Variants in ATP8A1 observed in about 807,000 individuals in gnomAD.
ATP8A1 encodes the protein phospholipid-transporting ATPase IA.
ATP8A1 carries 90 observed loss-of-function variants against 177.7 expected under a neutral mutation model. That is an observed-to-expected ratio of 0.51 (90% CI 0.43 to 0.60). ATP8A1 has a LOEUF of 0.60. Ranked by LOEUF, ATP8A1 falls within the 20% of genes least tolerant of loss-of-function variation. ATP8A1 has a pLI of 0.00. For missense variants in ATP8A1, 1,072 were observed against 1,392.8 expected (o/e 0.77, Z 3.67); for synonymous variants, 493 against 485.9 (o/e 1.01, Z -0.19).
At chr4:42,581,799 A>AT (rs1733108351) in intron 9 of ATP8A1, 67 bp from the exon 10 acceptor site, 3 of 1,169,010 alleles carry the variant, frequency 2.6e-6, no homozygotes, top group Non-Finnish European at 2.5e-6. Flanking sequence ...TAGTTACCAT[A>AT]TAGTTACAAA....
chr4:42,545,865 T>C (rs891919142), intron 19 of ATP8A1, among the ~76,000 whole-genome samples: 6 of 152,040 alleles, frequency 3.9e-5, no homozygotes, highest in Non-Finnish European at 8.8e-5. Flanking sequence ...TCCCAGCTAC[T>C]TAGGAGGCTG....
chr4:42,438,101 G>A (rs1288554031), intron 33 of ATP8A1, among the ~76,000 whole-genome samples: 1 of 152,168 alleles, frequency 6.6e-6, no homozygotes, highest in Non-Finnish European at 1.5e-5. Context: ...AAAGCCACAG[G>A]GAAGGGGAAA....
At chr4:42,510,226 A>C (rs896872011) in intron 22 of ATP8A1, among the ~76,000 whole-genome samples, 1 of 152,206 alleles carries the variant, frequency 6.6e-6, no homozygotes, top group Non-Finnish European at 1.5e-5. Flanking sequence ...ATAATACAGG[A>C]AGGTAAATTT....
At chr4:42,607,343 T>C (rs1305627412) in intron 5 of ATP8A1, among the ~76,000 whole-genome samples, 1 of 152,182 alleles carries the variant, frequency 6.6e-6, no homozygotes, top group Non-Finnish European at 1.5e-5. Flanking sequence ...AAAGTTTCCA[T>C]ACAAATCAAG....
At chr4:42,491,507 TA>T (rs991705189) in intron 24 of ATP8A1, among the ~76,000 whole-genome samples, 2 of 152,102 alleles carry the variant, frequency 1.3e-5, no homozygotes, top group African/African-American at 2.4e-5. Context: ...AAACCCTTGA[TA>T]AAAAAACAGG....
chr4:42,495,262 T>C (rs1407451523), intron 24 of ATP8A1, among the ~76,000 whole-genome samples: 3 of 152,246 alleles, frequency 2.0e-5, no homozygotes, highest in Admixed American at 1.3e-4. Context: ...ATTATGACCA[T>C]ATCAAGTATG....
chr4:42,546,548 T>C (rs1560443486), intron 19 of ATP8A1, among the ~76,000 whole-genome samples: 1 of 151,584 alleles, frequency 6.6e-6, no homozygotes, highest in Non-Finnish European at 1.5e-5. Context: ...AACCTGCACG[T>C]TGTGCACCTG....
At position 42,537,146 on chromosome 4, in the gene ATP8A1, A is replaced by AAC. The variant is rs540584674; in HGVS notation, c.1722+6770_1722+6771insGT. The stretch of plus-strand genomic sequence containing the variant: ...AAACTCCGTCTCAAAAAAAAAAAAA[A>AAC]CAAAAAAACCAAAAAAACCCCCACG... On this transcript the variant is annotated intron_variant, in intron 20 of 36. Transcript: ENST00000381668. Among the ~76,000 whole-genome samples the AAC allele has an allele frequency of 1.8e-3, 257 of 145,564 alleles. 3 individuals are homozygous for AAC. Among genetic ancestry groups the AAC allele is most frequent in the African/African-American group, 6.3e-3 (251 of 39,694 alleles).
At chr4:42,530,949 C>T (rs1340543710) in intron 20 of ATP8A1, among the ~76,000 whole-genome samples, 1 of 152,106 alleles carries the variant, frequency 6.6e-6, no homozygotes, top group African/African-American at 2.4e-5. Flanking sequence ...GTCTTAGTTC[C>T]AGAGGGAGGA....
At chr4:42,612,727 G>A (rs1736492211) in intron 5 of ATP8A1, among the ~76,000 whole-genome samples, 1 of 151,908 alleles carries the variant, frequency 6.6e-6, no homozygotes, top group Non-Finnish European at 1.5e-5. Flanking sequence ...TTCGATCCCT[G>A]ATTGAGTTAA....
At chr4:42,443,526 T>A in intron 33 of ATP8A1, 39 bp downstream of exon 33, 1 of 850,206 alleles carries the variant, frequency 1.2e-6, no homozygotes, top group Non-Finnish European at 2.0e-6. Context: ...TACCAGTTTT[T>A]AAGGTTTTGT....
At chr4:42,524,421 GTT>G (rs57749223) in intron 21 of ATP8A1, among the ~76,000 whole-genome samples, 1 of 144,884 alleles carries the variant, frequency 6.9e-6, no homozygotes, top group African/African-American at 2.5e-5. Context: ...TAGAATATCT[GTT>G]TTTTTTTTTT....
At chr4:42,624,486 A>C (rs779632035) in intron 4 of ATP8A1, 50 bp downstream of exon 4, 7 of 990,292 alleles carry the variant, frequency 7.1e-6, no homozygotes, top group Non-Finnish European at 1.0e-5. Context: ...TATTTAAAGC[A>C]TATATAAATA....
At chr4:42,539,460 A>C (rs1728172923) in intron 20 of ATP8A1, among the ~76,000 whole-genome samples, 2 of 151,238 alleles carry the variant, frequency 1.3e-5, no homozygotes, top group Non-Finnish European at 3.0e-5. Context: ...TAATCCTAAA[A>C]TTCATATGGA....
At chr4:42,469,682 A>G (rs1344893137) in intron 25 of ATP8A1, among the ~76,000 whole-genome samples, 1 of 152,200 alleles carries the variant, frequency 6.6e-6, no homozygotes, top group Admixed American at 6.5e-5. Context: ...AGGAGAGTTC[A>G]CTTCAGGTAA....
At chr4:42,506,965 A>G in intron 23 of ATP8A1, 51 bp downstream of exon 23, 1 of 1,590,408 alleles carries the variant, frequency 6.3e-7, no homozygotes, top group African/African-American at 1.3e-5. Flanking sequence ...TCTGAACTAC[A>G]TTAACTTATT....
chr4:42,621,153 T>C (rs1737426509), intron 4 of ATP8A1, among the ~76,000 whole-genome samples: 1 of 152,054 alleles, frequency 6.6e-6, no homozygotes, highest in South Asian at 2.1e-4. Flanking sequence ...CAGGTAGGAG[T>C]CTCTTACACT....
chr4:42,548,002 C>T (rs190451460), intron 19 of ATP8A1, among the ~76,000 whole-genome samples: 143 of 152,330 alleles, frequency 9.4e-4, no homozygotes, highest in African/African-American at 3.2e-3. Flanking sequence ...CAGCAAGGGC[C>T]TCTCTGCCTC....
intron 1 of ATP8A1, among the ~76,000 whole-genome samples, chr4:42,641,139 T>A (rs1416060130): frequency 6.6e-6 from 1 of 151,752 alleles, no homozygotes. Flanking sequence ...TAAGGACACA[T>A]GACACGATTA....
Sources: allele counts gnomAD v4.1 joint callset (sites outside exome capture counted in the v4.1 genomes callset), GRCh38; gene constraint gnomAD v4.1.1; transcripts MANE v1.5; gene names NCBI Gene and HGNC (gene_info 2026-07-23, HGNC 2026-07-21).